Variants in GRIK1 observed in about 807,000 individuals in gnomAD.
GRIK1 encodes the protein glutamate receptor ionotropic, kainate 1.
In GRIK1, 69 loss-of-function variants were observed where a neutral mutation model predicts 105.7. That is an observed-to-expected ratio of 0.65 (90% CI 0.54 to 0.80). The LOEUF (loss-of-function observed/expected upper bound fraction) is 0.80, where lower values mean the gene tolerates loss of function less well. GRIK1 is among the 30% of genes least tolerant of loss of function. The pLI is 0.00. For synonymous variants in GRIK1, 438 were observed against 431.3 expected (o/e 1.02, Z -0.19); for missense variants, 1,109 against 1,167.3 (o/e 0.95, Z 0.73).
intron 1 of GRIK1, among the ~76,000 whole-genome samples, chr21:29,806,885 A>G (rs1156894310): frequency 1.3e-5 from 2 of 152,216 alleles, no homozygotes; most frequent in Non-Finnish European, 2.9e-5. Context: ...AAAGGTTTTT[A>G]GAAGTTTTAC....
intron 4 of GRIK1, among the ~76,000 whole-genome samples, chr21:29,656,482 G>T (rs145224460): frequency 2.7e-5 from 4 of 150,084 alleles, no homozygotes; most frequent in Non-Finnish European, 3.0e-5. Flanking sequence ...ATTCCCTCTG[G>T]AAGTTTTTAT....
chr21:29,764,660 C>A (rs1569065299), intron 1 of GRIK1, among the ~76,000 whole-genome samples: 1 of 152,140 alleles, frequency 6.6e-6, no homozygotes, highest in Non-Finnish European at 1.5e-5. Flanking sequence ...ATGCTGATGG[C>A]TATATCTTCA....
At position 29,888,254 on chromosome 21, in the gene GRIK1, T is replaced by TTTCC. The variant is rs1299015372; in HGVS notation, c.118+51125_118+51128dup. Among the ~76,000 whole-genome samples, 15 of 136,414 alleles carry TTTCC rather than the reference T, an allele frequency of 1.1e-4. 1 individual carries two copies. The highest frequency in any genetic ancestry group is 8.6e-4 in the East Asian group (4 of 4,642). 89.5% of individuals were successfully genotyped at this position (136,414 alleles called of 152,430 possible). The stretch of plus-strand genomic sequence containing the variant: ...CTCTCCTTCCTTCCTTCCTTCTTTC[T>TTTCC]TTCCTTCCTTCCTTCCTTCCTATTT... On this transcript the variant is annotated intron_variant, in intron 1 of 17. Coordinates refer to ENST00000327783, the MANE Select transcript of GRIK1 (RefSeq NM_001330994.2).
intron 8 of GRIK1, 81 bp from the exon 9 acceptor site, chr21:29,596,651 G>T: frequency 1.0e-6 from 1 of 976,724 alleles, no homozygotes; most frequent in Non-Finnish European, 1.7e-6. Context: ...ATCATGGTGT[G>T]TGAGTGCTTA....
At chr21:29,906,484 T>C (rs1176865660) in intron 1 of GRIK1, among the ~76,000 whole-genome samples, 1 of 152,228 alleles carries the variant, frequency 6.6e-6, no homozygotes, top group Non-Finnish European at 1.5e-5. Context: ...TTAATTGTTT[T>C]TTAAGGTAGA....
chr21:29,698,953 A>G (rs755321011), intron 1 of GRIK1, among the ~76,000 whole-genome samples: 1 of 152,330 alleles, frequency 6.6e-6, no homozygotes, highest in South Asian at 2.1e-4. Flanking sequence ...TTTTATTAAT[A>G]CACGTTCGTA....
chr21:29,846,991 T>G (rs1014007651), intron 1 of GRIK1, among the ~76,000 whole-genome samples: 1 of 152,204 alleles, frequency 6.6e-6, no homozygotes, highest in Admixed American at 6.5e-5. Context: ...TGGCATAAAA[T>G]TGTGAACTTG....
Position 29,623,642 on chromosome 21 carries a change from T to C in GRIK1, c.1098+19184A>G, listed in dbSNP as rs59070885. Among the ~76,000 whole-genome samples, 1,265 of 152,332 alleles carry C rather than the reference T, an allele frequency of 8.3e-3. 10 individuals carry two copies. Among genetic ancestry groups the C allele is most frequent in the African/African-American group, 0.029 (1,203 of 41,580 alleles). On this transcript the variant is annotated intron_variant, in intron 7 of 17. Transcript: ENST00000327783. ...CCAGCTTAAAAATACCCTTATTTCA[T>C]GAATAACCTCAATAACTCTCAAAAT...
intron 7 of GRIK1, among the ~76,000 whole-genome samples, chr21:29,626,203 A>C (rs1430281980): frequency 6.6e-6 from 1 of 152,164 alleles, no homozygotes; most frequent in Non-Finnish European, 1.5e-5. Context: ...TCATGGTGGA[A>C]CGTGGAAGGG....
intron 1 of GRIK1, among the ~76,000 whole-genome samples, chr21:29,910,341 A>G (rs1303006911): frequency 2.0e-5 from 3 of 152,060 alleles, no homozygotes; most frequent in East Asian, 1.9e-4. Context: ...GATCCTTCCT[A>G]TCTAGCCTTG....
rs2090179113 is a variant in GRIK1, at chr21:29,553,697, CA to C, written c.2607+1354del. On this transcript the variant is annotated intron_variant, in intron 16 of 17. Coordinates refer to ENST00000327783, the MANE Select transcript of GRIK1 (RefSeq NM_001330994.2). ...CTTACATTGCAGTCCATAAAAGAAA[CA>C]AAAAGCCTTGCATGCAAAAGAAATG... 1.9e-6 allele frequency: 3 copies of C among 1,554,832 alleles called. No individual in the cohort carries two copies. The Admixed American group carries it at 6.1e-5, about 32-fold the overall frequency.
At chr21:29,772,540 T>C (rs2065838089) in intron 1 of GRIK1, among the ~76,000 whole-genome samples, 1 of 152,202 alleles carries the variant, frequency 6.6e-6, no homozygotes, top group South Asian at 2.1e-4. Flanking sequence ...GGACAAAGTT[T>C]TATCTTTCAT....
intron 1 of GRIK1, among the ~76,000 whole-genome samples, chr21:29,816,339 C>T (rs561713273): frequency 2.0e-5 from 3 of 152,202 alleles, no homozygotes; most frequent in South Asian, 2.1e-4. Flanking sequence ...TTTTTATACA[C>T]TGTTGGTGGG....
intron 14 of GRIK1, among the ~76,000 whole-genome samples, chr21:29,575,915 A>T (rs2090882610): frequency 6.6e-6 from 1 of 152,230 alleles, no homozygotes; most frequent in African/African-American, 2.4e-5. Flanking sequence ...CTCAATGCTG[A>T]GGTGACAACT....
chr21:29,644,234 T>G (rs1310628249), intron 6 of GRIK1, among the ~76,000 whole-genome samples: 1 of 152,198 alleles, frequency 6.6e-6, no homozygotes, highest in Non-Finnish European at 1.5e-5. Context: ...CTACTTTGAA[T>G]CATTATTATT....
chr21:29,573,345 A>T (rs2090801689), intron 14 of GRIK1, among the ~76,000 whole-genome samples: 1 of 152,214 alleles, frequency 6.6e-6, no homozygotes. Context: ...GAAGTGCATT[A>T]TCCAAACATG....
chr21:29,660,591 T>C (rs1431365102), intron 4 of GRIK1, among the ~76,000 whole-genome samples: 2 of 152,196 alleles, frequency 1.3e-5, no homozygotes, highest in Non-Finnish European at 2.9e-5. Flanking sequence ...CTGCTACTAT[T>C]GTGGTAACAG....
In GRIK1 at chr21:29,713,369, T is replaced by C. The variant is rs975782996; in HGVS notation, c.119-19306A>G. 4.6e-5 allele frequency among the ~76,000 whole-genome samples: 7 copies of C among 152,290 alleles called. No individual in the cohort carries two copies. The South Asian group carries it at 1.2e-3, about 27-fold the overall frequency. ...TAAATACAACCATAGTTGTAATTGA[T>C]ATTTTATTTTTCTGTATTTTTTTCA... On this transcript the variant is annotated intron_variant, in intron 1 of 17. Transcript: ENST00000327783.
intron 13 of GRIK1, among the ~76,000 whole-genome samples, chr21:29,580,208 A>C (rs971023719): frequency 2.0e-5 from 3 of 150,268 alleles, no homozygotes; most frequent in Non-Finnish European, 4.4e-5. Flanking sequence ...AAGACAAGCT[A>C]TAGGGAAGGA....
Sources: gnomAD v4.1 joint callset for allele counts (sites outside exome capture counted in the v4.1 genomes callset) on GRCh38, gnomAD v4.1.1 for gene constraint, MANE v1.5 for transcripts, NCBI Gene and HGNC (gene_info 2026-07-23, HGNC 2026-07-21) for gene names.